Variants in SLC25A46 observed in about 807,000 individuals in gnomAD.
SLC25A46 encodes solute carrier family 25 member 46.
Under a neutral mutation model 44.6 loss-of-function variants are expected in SLC25A46, and 39 were observed. The ratio of observed to expected loss-of-function variants is 0.87; its 90% CI spans 0.68 to 1.14. The LOEUF (loss-of-function observed/expected upper bound fraction) is 1.14. Ranked by LOEUF, SLC25A46 falls within the 50% of genes most tolerant of loss-of-function variation. SLC25A46 has a pLI of 0.00. For synonymous variants in SLC25A46, 202 were observed against 185.8 expected, an observed-to-expected ratio of 1.09 and a Z score of -0.71; for missense variants, 547 against 522.7, an observed-to-expected ratio of 1.05 and a Z score of -0.45.
Position 110,739,287 on chromosome 5 carries a change from C to G in SLC25A46, c.168C>G (p.His56Gln), listed in dbSNP as rs140606969. 4.4e-6 allele frequency: 7 copies of G among 1,575,008 alleles called. No homozygotes were observed. The highest frequency in any genetic ancestry group is 4.0e-5 in the African/African-American group (3 of 74,336). ...PPDIPGSRNL[H>Q]WGEKSPPYGV... ...ATATCCCCGGCAGCCGCAACCTGCA[C>G]TGGGGCGAGAAGAGCCCGCCCTACG... Residue 56 changes from histidine to glutamine, a missense_variant, in exon 1 of 8, where the codon CAC becomes CAG. Coordinates refer to ENST00000355943, the MANE Select transcript of SLC25A46 (RefSeq NM_138773.4).
At chr5:110,754,320 TTC>T (rs1554092661) in intron 5 of SLC25A46, 1 of 150,756 alleles carries the variant, frequency 6.6e-6, no homozygotes, top group Non-Finnish European at 1.5e-5. Flanking sequence ...TGTTTTTTTT[TTC>T]TCTTTTTCTT....
intron 2 of SLC25A46, 45 bp downstream of exon 2, chr5:110,742,134 TTA>T: frequency 7.4e-7 from 1 of 1,360,128 alleles, no homozygotes; most frequent in Non-Finnish European, 1.0e-6. Context: ...TTTATTGAAT[TTA>T]GAGTTTTTCT....
Position 110,739,174 on chromosome 5 carries a change from C to A in SLC25A46, c.55C>A (p.Arg19=), listed in dbSNP as rs1186440654. 20 of 1,551,036 alleles carry A rather than the reference C, an allele frequency of 1.3e-5. No individual in the cohort carries two copies. Among genetic ancestry groups the A allele is most frequent in the Non-Finnish European group, 1.7e-5 (20 of 1,147,350 alleles). Residue 19 remains arginine, a synonymous_variant, in exon 1 of 8, where the codon CGG becomes AGG. Coordinates refer to ENST00000355943, the MANE Select transcript of SLC25A46 (RefSeq NM_138773.4). ...TGGCTTGGGCTACCGGGGTGGTGCC[C>A]GGGACGAGCAGGGCTTTGGCGGCGC... ...FDGLGYRGGA[R]DEQGFGGAFP... is the part of the protein sequence containing the mutation.
intron 3 of SLC25A46, 50 bp downstream of exon 3, chr5:110,743,837 T>A: frequency 7.2e-7 from 1 of 1,394,148 alleles, no homozygotes; most frequent in Non-Finnish European, 1.0e-6. Context: ...GACCCTAATA[T>A]GAAGGGCAGA....
rs376946649 is a variant in SLC25A46, at chr5:110,753,892, T to A, written c.564-1573T>A. On this transcript the variant is annotated intron_variant, in intron 5 of 7. Coordinates refer to ENST00000355943, the MANE Select transcript of SLC25A46 (RefSeq NM_138773.4). ...ACTGTGGTAATACTTTGTGAGGCCA[T>A]GAGTATTAGCTGTGCCAAGATGATT... is the stretch of plus-strand genomic sequence containing the variant. 14 of 152,280 alleles carry A rather than the reference T, an allele frequency of 9.2e-5. No homozygotes were observed. In the East Asian group the frequency reaches 2.3e-3, roughly 25 times the overall value. 9.4% of individuals were successfully genotyped at this position (152,280 alleles called of 1,614,324 possible). A position where few individuals can be genotyped will look rare whatever the true frequency, so the allele number is the denominator to read the frequency against.
At chr5:110,755,241 G>C (rs1800077423) in intron 5 of SLC25A46, 1 of 332,582 alleles carries the variant, frequency 3.0e-6, no homozygotes, top group Admixed American at 5.1e-5. Context: ...TTCTCTGCCA[G>C]CCCCTTCTAT....
chr5:110,738,489 G>C (rs1256058048), upstream of SLC25A46, among the ~76,000 whole-genome samples: 1 of 152,102 alleles, frequency 6.6e-6, no homozygotes, highest in African/African-American at 2.4e-5. Flanking sequence ...CTTTTAAAAT[G>C]CTTGCTCTGG....
At position 110,739,317 on chromosome 5, in the gene SLC25A46, G is replaced by T. The variant is rs761232447; in HGVS notation, c.198G>T (p.Val66=). Residue 66 remains valine, a synonymous_variant, in exon 1 of 8, where the codon GTG becomes GTT. Transcript: ENST00000355943. ...GCGAGAAGAGCCCGCCCTACGGCGT[G>T]CCCACCACCTCCACCCCGTACGAAG... is the stretch of plus-strand genomic sequence containing the variant. ...HWGEKSPPYG[V]PTTSTPYEGP... is the part of the protein sequence containing the mutation. 33 of 1,568,602 alleles carry T rather than the reference G, an allele frequency of 2.1e-5. 1 individual carries two copies. The highest frequency in any genetic ancestry group is 2.7e-5 in the African/African-American group (2 of 74,126).
chr5:110,747,344 G>T (rs1436740954), intron 4 of SLC25A46, among the ~76,000 whole-genome samples: 1 of 152,030 alleles, frequency 6.6e-6, no homozygotes, highest in Non-Finnish European at 1.5e-5. Context: ...TATGTTTCAA[G>T]ATAATACTAC....
At chr5:110,760,932 G>A (rs1039350661) in intron 7 of SLC25A46, among the ~76,000 whole-genome samples, 4 of 151,982 alleles carry the variant, frequency 2.6e-5, no homozygotes, top group African/African-American at 9.7e-5. Context: ...TTCCATGTGA[G>A]TTCTAAGAAG....
Position 110,739,745 on chromosome 5 carries a change from A to T in SLC25A46, c.283+343A>T, listed in dbSNP as rs1799585017. ...TCACTTTGGCAGCTCTATTTTCTTG[A>T]TTTAATTAATTAATTAATGTGTTTA... is the stretch of plus-strand genomic sequence containing the variant. On this transcript the variant is annotated intron_variant, in intron 1 of 7. Transcript: ENST00000355943. Among the ~76,000 whole-genome samples, 5 of 152,032 alleles carry T rather than the reference A, an allele frequency of 3.3e-5. No homozygotes were observed. In the South Asian group the frequency reaches 1.0e-3, roughly 32 times the overall value.
At chr5:110,760,290 A>G (rs1019922056) in intron 7 of SLC25A46, among the ~76,000 whole-genome samples, 6 of 152,086 alleles carry the variant, frequency 3.9e-5, no homozygotes, top group African/African-American at 1.4e-4. Context: ...TTCTGTTGCC[A>G]CCTTCTAGTC....
At chr5:110,741,049 G>A (rs764143012) in intron 1 of SLC25A46, among the ~76,000 whole-genome samples, 15 of 152,182 alleles carry the variant, frequency 9.9e-5, no homozygotes, top group Non-Finnish European at 1.6e-4. Flanking sequence ...GGTAAACTGC[G>A]TAATTTCCCA....
At chr5:110,753,125 G>A (rs1039165995) in intron 5 of SLC25A46, among the ~76,000 whole-genome samples, 5 of 152,076 alleles carry the variant, frequency 3.3e-5, no homozygotes, top group African/African-American at 1.2e-4. Flanking sequence ...TTAATGACAT[G>A]CAGATTATTG....
chr5:110,743,336 C>T (rs912499259), intron 2 of SLC25A46, among the ~76,000 whole-genome samples: 2 of 152,054 alleles, frequency 1.3e-5, no homozygotes, highest in African/African-American at 4.8e-5. Flanking sequence ...TCAAATGACT[C>T]TGCTGATAGG....
rs754920361 is a variant in SLC25A46 at position 110,761,513 on chromosome 5, A to ATACTT, written c.992_996dup (p.Pro333PhefsTer19). 1 of 1,613,840 alleles carries ATACTT rather than the reference A, an allele frequency of 6.2e-7. No homozygotes were observed. Among genetic ancestry groups the ATACTT allele is most frequent in the Non-Finnish European group, 8.5e-7 (1 of 1,179,818 alleles). On this transcript the variant is annotated frameshift_variant, in exon 8 of 8. Coordinates refer to ENST00000355943, the MANE Select transcript of SLC25A46 (RefSeq NM_138773.4). LOFTEE classifies it high-confidence loss of function. The surrounding 1 kb of genome is among the most constrained non-coding windows in gnomAD (Gnocchi z 5.3). ...TGCTGCCAGTCTTTGTTCTGACGTT[A>ATACTT]TACTTTACCCATTGGAAACAGTTTT...
intron 5 of SLC25A46, chr5:110,755,171 A>T (rs1800076050): frequency 9.6e-6 from 2 of 209,228 alleles, no homozygotes; most frequent in Admixed American, 6.0e-5. Flanking sequence ...TTAACCAATC[A>T]TCTTAATTTT....
At chr5:110,742,290 G>C (rs1488289095) in intron 2 of SLC25A46, among the ~76,000 whole-genome samples, 3 of 152,066 alleles carry the variant, frequency 2.0e-5, no homozygotes, top group African/African-American at 7.2e-5. Flanking sequence ...AGTAAGGATA[G>C]ACTAGTCATC....
At position 110,756,707 on chromosome 5, in the gene SLC25A46, C is replaced by G. The variant is rs752217990; in HGVS notation, c.626C>G (p.Thr209Ser). The G allele has an allele frequency of 1.9e-6, 3 of 1,573,442 alleles. No homozygotes were observed. The highest frequency in any genetic ancestry group is 2.4e-5 in the South Asian group (2 of 82,092). Reference protein sequence around the residue: ...IGEHLLLKSLTYVVAMPFYSA... With the variant: ...IGEHLLLKSLSYVVAMPFYSA... Reference sequence around the variant, plus strand: ...ATTTGTTTTAATTTCTATAGCCTAACTTACGTGGTGGCAATGCCTTTTTAT... The same window carrying G: ...ATTTGTTTTAATTTCTATAGCCTAAGTTACGTGGTGGCAATGCCTTTTTAT... Residue 209 changes from threonine (T) to serine (S), a missense_variant, in exon 7 of 8, where the codon ACT becomes AGT. Transcript: ENST00000355943.
Sources: allele counts gnomAD v4.1 joint callset (sites outside exome capture counted in the v4.1 genomes callset), GRCh38; gene constraint gnomAD v4.1.1; non-coding constraint Gnocchi (gnomAD v3.1); transcripts MANE v1.5; gene names NCBI Gene and HGNC (gene_info 2026-07-23, HGNC 2026-07-21).